Variants in PLEKHA2 observed in about 807,000 individuals in gnomAD.
The protein encoded by PLEKHA2 is pleckstrin homology domain-containing family A member 2.
A neutral mutation model predicts 53.2 loss-of-function variants in PLEKHA2; 28 were observed. The ratio of observed to expected loss-of-function variants is 0.53; its 90% CI spans 0.39 to 0.72. The LOEUF is 0.72. Ranked by LOEUF, PLEKHA2 falls within the 30% of genes least tolerant of loss-of-function variation. The pLI is 0.00. For synonymous variants in PLEKHA2, 193 were observed against 196.4 expected (o/e 0.98, Z 0.14); for missense variants, 426 against 537.9 (o/e 0.79, Z 2.06).
intron 11 of PLEKHA2, chr8:38,969,129 G>A (rs1835194570): frequency 2.5e-6 from 1 of 400,304 alleles, no homozygotes; most frequent in African/African-American, 2.1e-5. Context: ...TCAAACTCCT[G>A]ACCTCAGGTG....
intron 5 of PLEKHA2, among the ~76,000 whole-genome samples, chr8:38,950,323 C>T (rs996772547): frequency 6.6e-5 from 10 of 152,240 alleles, no homozygotes; most frequent in South Asian, 2.1e-4. Context: ...TGTGAGGCCC[C>T]GGACCTGGCC....
intron 1 of PLEKHA2, among the ~76,000 whole-genome samples, chr8:38,915,548 C>T (rs1256612295): frequency 6.6e-6 from 1 of 152,228 alleles, no homozygotes; most frequent in African/African-American, 2.4e-5. Context: ...GATTAGGGCC[C>T]ATGCCAATGA....
chr8:38,926,297 A>T (rs950602012), intron 2 of PLEKHA2, among the ~76,000 whole-genome samples: 1 of 152,150 alleles, frequency 6.6e-6, no homozygotes, highest in Non-Finnish European at 1.5e-5. Flanking sequence ...TAAAAAAAAA[A>T]TCCCAAAAGA....
At chr8:38,957,550 A>T (rs1239124666) in intron 10 of PLEKHA2, among the ~76,000 whole-genome samples, 164 bp downstream of exon 10, 2 of 152,150 alleles carry the variant, frequency 1.3e-5, no homozygotes, top group African/African-American at 4.8e-5. Context: ...CCTAAACAGG[A>T]TGTTTGCCAA....
At chr8:38,920,969 T>G (rs1440022813) in intron 2 of PLEKHA2, among the ~76,000 whole-genome samples, 1 of 151,894 alleles carries the variant, frequency 6.6e-6, no homozygotes, top group African/African-American at 2.4e-5. Context: ...CCCAGCTAAT[T>G]TTTGTATTTT....
At chr8:38,925,304 C>G (rs987976734) in intron 2 of PLEKHA2, among the ~76,000 whole-genome samples, 1 of 152,240 alleles carries the variant, frequency 6.6e-6, no homozygotes, top group Non-Finnish European at 1.5e-5. Flanking sequence ...CCGCCCTACT[C>G]TAGTACAGCA....
chr8:38,950,218 G>C (rs772004809), intron 5 of PLEKHA2, among the ~76,000 whole-genome samples: 2 of 151,926 alleles, frequency 1.3e-5, no homozygotes, highest in East Asian at 3.9e-4. Context: ...ATTTTTAGTA[G>C]AGATGGGATC....
Position 38,950,842 on chromosome 8 carries a change from C to A in PLEKHA2, c.346-8C>A. 1.2e-6 allele frequency: 2 copies of A among 1,610,066 alleles called. No homozygotes were observed. The highest frequency in any genetic ancestry group is 2.2e-5 in the South Asian group (2 of 90,882). On this transcript the variant is annotated splice_polypyrimidine_tract_variant and splice_region_variant and intron_variant, in intron 5 of 11. Transcript: ENST00000617275. The stretch of plus-strand genomic sequence containing the variant: ...TTCCCCATTGATTGTTGCTGCCGCT[C>A]ACCCCAGGTTCCCAAAGGTGGGGGC...
At chr8:38,952,849 C>T in intron 8 of PLEKHA2, 145 bp downstream of exon 8, 1 of 785,704 alleles carries the variant, frequency 1.3e-6, no homozygotes, top group Non-Finnish European at 2.1e-6. Context: ...ATTCTGTGCA[C>T]ACATCTTTAC....
chr8:38,965,118 T>C (rs1405850314), intron 10 of PLEKHA2, among the ~76,000 whole-genome samples: 2 of 152,176 alleles, frequency 1.3e-5, no homozygotes, highest in African/African-American at 4.8e-5. Flanking sequence ...TAACAAATTG[T>C]ATTAGGTAGT....
At chr8:38,932,523 C>T (rs561902336) in intron 2 of PLEKHA2, among the ~76,000 whole-genome samples, 1 of 152,264 alleles carries the variant, frequency 6.6e-6, no homozygotes, top group African/African-American at 2.4e-5. Context: ...AGCTCTGATC[C>T]CTTGCCGCTA....
chr8:38,923,615 C>A (rs982348021), intron 2 of PLEKHA2, among the ~76,000 whole-genome samples: 3 of 152,132 alleles, frequency 2.0e-5, no homozygotes, highest in Non-Finnish European at 4.4e-5. Flanking sequence ...GTTCAGCGTG[C>A]CAGATGCTGA....
intron 2 of PLEKHA2, among the ~76,000 whole-genome samples, chr8:38,919,250 G>A (rs761620323): frequency 6.6e-6 from 1 of 152,218 alleles, no homozygotes; most frequent in Non-Finnish European, 1.5e-5. Flanking sequence ...GCATCTTGTG[G>A]AGGTCAGGCA....
intron 9 of PLEKHA2, 39 bp downstream of exon 9, chr8:38,953,406 C>T: frequency 6.5e-7 from 1 of 1,529,896 alleles, no homozygotes; most frequent in Non-Finnish European, 9.1e-7. Flanking sequence ...TCCAAACCTC[C>T]ATTTGTCCTC....
intron 9 of PLEKHA2, among the ~76,000 whole-genome samples, chr8:38,954,110 C>T (rs532170083): frequency 7.9e-5 from 12 of 152,270 alleles, no homozygotes; most frequent in African/African-American, 1.4e-4. Context: ...TGTGTCCCTC[C>T]GTCTCATGGC....
chr8:38,964,720 C>A, intron 10 of PLEKHA2, among the ~76,000 whole-genome samples: 1 of 151,606 alleles, frequency 6.6e-6, no homozygotes, highest in African/African-American at 2.4e-5. Flanking sequence ...AAAAAAAAAT[C>A]AAGATATAAT....
At chr8:38,952,915 T>C (rs1834873542) in intron 8 of PLEKHA2, among the ~76,000 whole-genome samples, 1 of 152,216 alleles carries the variant, frequency 6.6e-6, no homozygotes, top group African/African-American at 2.4e-5. Context: ...GAGTCATAGC[T>C]ACACAACATC....
intron 3 of PLEKHA2, among the ~76,000 whole-genome samples, chr8:38,940,525 G>A (rs1439139376): frequency 6.6e-6 from 1 of 152,060 alleles, no homozygotes; most frequent in Non-Finnish European, 1.5e-5. Context: ...ACAACCAGGA[G>A]TTATGGACCA....
At position 38,917,945 on chromosome 8, in the gene PLEKHA2, C is replaced by G. The variant is rs569997545; in HGVS notation, c.16C>G (p.Arg6Gly). The change falls in exon 2 of 12, where the codon CGG becomes GGG. Residue 6 changes from arginine (R) to glycine (G), a missense_variant. Transcript: ENST00000617275. MPYVD[R>G]QNRICGFLDI... ...GAGCCCAGGAATGCCTTATGTGGAT[C>G]GGCAGAACCGAATCTGTGGGTTTCT... The G allele has an allele frequency of 6.2e-6, 10 of 1,613,460 alleles. No homozygotes were observed. The Admixed American group carries it at 8.3e-5, about 13-fold the overall frequency.
Sources: allele counts gnomAD v4.1 joint callset (sites outside exome capture counted in the v4.1 genomes callset), GRCh38; gene constraint gnomAD v4.1.1; transcripts MANE v1.5; gene names NCBI Gene and HGNC (gene_info 2026-07-23, HGNC 2026-07-21).